The following IBTK variants were observed in gnomAD, a reference collection of about 807,000 sequenced individuals.
The protein encoded by IBTK is BTK-binding protein.
Under a neutral mutation model 154.9 loss-of-function variants are expected in IBTK, and 83 were observed. The observed-to-expected ratio is 0.54, with a 90% CI of 0.45 to 0.64. IBTK has a LOEUF of 0.64. IBTK is among the 30% of genes least tolerant of loss of function. The pLI is 0.00. For synonymous variants in IBTK, 515 were observed against 536.1 expected (o/e 0.96, Z 0.54); for missense variants, 1,332 against 1,584.6 (o/e 0.84, Z 2.71).
intron 1 of IBTK, 122 bp downstream of exon 1, chr6:82,247,440 C>T: frequency 2.5e-6 from 1 of 395,102 alleles, no homozygotes; most frequent in Non-Finnish European, 4.5e-6. Context: ...CCCCTCCCCA[C>T]GGTCCCCCCG....
chr6:82,185,195 A>C (rs1483116430), intron 25 of IBTK, among the ~76,000 whole-genome samples: 5 of 151,398 alleles, frequency 3.3e-5, no homozygotes, highest in East Asian at 1.9e-4. Context: ...AAAAAAAAAA[A>C]AAAAAAAAAA....
In IBTK at chr6:82,170,563, T is replaced by C. The variant is rs1057130379; in HGVS notation, c.*862A>G. ...GTTCAGAGAACTTCTGATTATACAG[T>C]ATTGTAAAGGTAATGATAATCCAAC... On this transcript the variant is annotated 3_prime_UTR_variant, in exon 29 of 29. Coordinates refer to ENST00000306270, the MANE Select transcript of IBTK (RefSeq NM_015525.4). 10 of 152,192 alleles carry C rather than the reference T, an allele frequency of 6.6e-5. No homozygotes were observed. Among genetic ancestry groups the C allele is most frequent in the African/African-American group, 2.4e-4 (10 of 41,456 alleles). 9.4% of individuals were successfully genotyped at this position (152,192 alleles called of 1,614,324 possible).
chr6:82,209,691 C>T (rs1436492128), intron 16 of IBTK, among the ~76,000 whole-genome samples: 1 of 152,118 alleles, frequency 6.6e-6, no homozygotes, highest in Non-Finnish European at 1.5e-5. Context: ...TTATTGTATG[C>T]TTTAAAAGTA....
chr6:82,182,128 CA>C, intron 25 of IBTK, 100 bp from the exon 26 acceptor site: 1 of 1,098,516 alleles, frequency 9.1e-7, no homozygotes, highest in Non-Finnish European at 1.3e-6. Flanking sequence ...AAAAATTTTA[CA>C]ATATACAATT....
chr6:82,215,561 C>A (rs2064500), intron 11 of IBTK, among the ~76,000 whole-genome samples: 3 of 151,788 alleles, frequency 2.0e-5, no homozygotes, highest in Admixed American at 1.3e-4. Context: ...CCGAGGCTGG[C>A]GGATCACCTG....
At chr6:82,216,034 T>A in intron 11 of IBTK, 42 bp downstream of exon 11, 1 of 1,459,726 alleles carries the variant, frequency 6.9e-7, no homozygotes, top group Non-Finnish European at 9.4e-7. Flanking sequence ...AATTCAGTGA[T>A]TGTTCCTTCT....
chr6:82,172,500 A>C lies in IBTK; in HGVS notation c.3810T>G (p.Ser1270=). Residue 1270 remains serine (S), a synonymous_variant, in exon 28 of 29, where the codon TCT becomes TCG. Coordinates refer to ENST00000306270, the MANE Select transcript of IBTK (RefSeq NM_015525.4). ...CCATGGATGGAGCAGTCACTGAAGAAGATAGCCAGGGACTGAAAGAATAAT... is the reference window on the plus strand; with the variant it reads ...CCATGGATGGAGCAGTCACTGAAGACGATAGCCAGGGACTGAAAGAATAAT... ...PLLDSPNPWL[S]SSVTAPSMVA... 1.2e-6 allele frequency: 2 copies of C among 1,611,312 alleles called. No homozygotes were observed. Among genetic ancestry groups the C allele is most frequent in the Non-Finnish European group, 8.5e-7 (1 of 1,179,236 alleles).
rs557683297 is a variant in IBTK at position 82,198,305 on chromosome 6, T to C, written c.3025+1836A>G. Among the ~76,000 whole-genome samples, 8 of 152,238 alleles carry C rather than the reference T, an allele frequency of 5.3e-5. No homozygotes were observed. In the East Asian group the frequency reaches 1.2e-3, roughly 22 times the overall value. On this transcript the variant is annotated intron_variant, in intron 21 of 28. Coordinates refer to ENST00000306270, the MANE Select transcript of IBTK (RefSeq NM_015525.4). ...TTCCATCAATCCACCCCTGCCTCCT[T>C]CTAAACACTAACGGTAATTCATACA... is the stretch of plus-strand genomic sequence containing the variant.
chr6:82,200,291 G>A (rs1030120788), intron 20 of IBTK, 38 bp from the exon 21 acceptor site: 1 of 1,403,042 alleles, frequency 7.1e-7, no homozygotes, highest in Non-Finnish European at 1.0e-6. Context: ...AGTGTTTAGG[G>A]AGGTAACTAA....
At position 82,223,485 on chromosome 6, in the gene IBTK, T is replaced by G. The variant is rs964468283; in HGVS notation, c.1079A>C (p.Asp360Ala). 1.9e-6 allele frequency: 3 copies of G among 1,614,026 alleles called. No individual in the cohort carries two copies. Among genetic ancestry groups the G allele is most frequent in the Non-Finnish European group, 2.5e-6 (3 of 1,179,946 alleles). ...CTGATAGTCTGCAAGTAAGTAAATA[T>G]CTCCCCTTGTGGTAACACAGACTGT... Reference protein sequence around the residue: ...GATVCVTTRGDIYLLADYQCK... With the variant: ...GATVCVTTRGAIYLLADYQCK... Residue 360 changes from aspartate to alanine, a missense_variant, in exon 8 of 29, where the codon GAT (aspartate) becomes GCT (alanine). Around this residue, in one of 3 missense-constraint regions of IBTK, gnomAD observed 1,134 missense variants for 1,274.7 expected, o/e 0.89. Transcript: ENST00000306270.
At chr6:82,247,326 C>T (rs1771189969) in intron 1 of IBTK, among the ~76,000 whole-genome samples, 1 of 152,214 alleles carries the variant, frequency 6.6e-6, no homozygotes, top group Non-Finnish European at 1.5e-5. Flanking sequence ...AGCGCATCGC[C>T]GGGACAGGCC....
At chr6:82,200,340 A>G in intron 20 of IBTK, 87 bp from the exon 21 acceptor site, 1 of 937,792 alleles carries the variant, frequency 1.1e-6, no homozygotes, top group Non-Finnish European at 1.7e-6. Context: ...TTTAACCTGA[A>G]GGCTACTTTT....
intron 21 of IBTK, among the ~76,000 whole-genome samples, chr6:82,198,002 A>C (rs139968640): frequency 1.3e-5 from 2 of 152,216 alleles, no homozygotes; most frequent in African/African-American, 4.8e-5. Flanking sequence ...AGAACAGTAC[A>C]CCAGGAAAAT....
At chr6:82,209,461 T>C (rs550883952) in intron 16 of IBTK, among the ~76,000 whole-genome samples, 2 of 152,190 alleles carry the variant, frequency 1.3e-5, no homozygotes, top group Non-Finnish European at 2.9e-5. Context: ...AAGTTAAATA[T>C]AAAAGGTCAC....
Position 82,200,144 on chromosome 6 carries a change from T to C in IBTK, c.3022A>G (p.Thr1008Ala), listed in dbSNP as rs747314539. The C allele has an allele frequency of 5.1e-6, 8 of 1,579,872 alleles. No individual in the cohort carries two copies. The highest frequency in any genetic ancestry group is 1.4e-5 in the African/African-American group (1 of 74,054). Residue 1008 changes from threonine to alanine, a missense_variant, in exon 21 of 29, where the codon ACA (threonine) becomes GCA (alanine). Thr to Ala is a moderately conservative substitution (Grantham distance 58). This residue lies in a region of IBTK where 1,134 missense variants were observed against 1,274.7 expected (regional missense o/e 0.89). Transcript: ENST00000306270. ...TACATGCTCACTTTCCACGAACCTG[T>C]AGATGATGGACTCTGAATAATATCT... ...LSDIIQSPSS[T>A]GLLKSGKTNS...
At chr6:82,218,208 A>G (rs1769943567) in intron 9 of IBTK, 71 bp from the exon 10 acceptor site, 3 of 1,105,506 alleles carry the variant, frequency 2.7e-6, no homozygotes, top group South Asian at 2.3e-5. Context: ...TTAAATCAAG[A>G]TATCAAGAGA....
intron 20 of IBTK, 152 bp downstream of exon 20, chr6:82,200,435 G>GT (rs1462500171): frequency 2.6e-6 from 2 of 781,244 alleles, no homozygotes; most frequent in Non-Finnish European, 4.0e-6. Context: ...AAGAATGAGC[G>GT]TAACTACCTA....
Position 82,223,680 on chromosome 6 carries a change from C to T in IBTK, c.944-60G>A, listed in dbSNP as rs1480385742. 4.5e-5 allele frequency: 63 copies of T among 1,411,806 alleles called. 1 individual carries two copies. In the South Asian group the frequency reaches 7.6e-4, roughly 17 times the overall value. 87.5% of individuals were successfully genotyped at this position (1,411,806 alleles called of 1,614,324 possible). ...AGCTCTTTTAAGAGTCCTATTTAGCCAAGCACAGTGTCTCATGCCTATAAT... is the reference window on the plus strand; with the variant it reads ...AGCTCTTTTAAGAGTCCTATTTAGCTAAGCACAGTGTCTCATGCCTATAAT... On this transcript the variant is annotated intron_variant, in intron 7 of 28. Transcript: ENST00000306270.
intron 26 of IBTK, among the ~76,000 whole-genome samples, chr6:82,176,393 C>T (rs371375458): frequency 1.5e-4 from 23 of 151,572 alleles, no homozygotes; most frequent in African/African-American, 3.9e-4. Context: ...TGGTGGCAGG[C>T]GCCTGTAGTC....
Sources: gnomAD v4.1 joint callset for allele counts (sites outside exome capture counted in the v4.1 genomes callset) on GRCh38, gnomAD v4.1.1 for gene constraint, gnomAD v4.1.1 regional missense constraint, MANE v1.5 for transcripts, NCBI Gene and HGNC (gene_info 2026-07-23, HGNC 2026-07-21) for gene names.